GANAB: variants seen among roughly 807,000 people sequenced by gnomAD.
GANAB encodes the protein glucosidase II alpha subunit.
In GANAB, 35 loss-of-function variants were observed where a neutral mutation model predicts 129.9. The observed-to-expected ratio is 0.27, with a 90% CI of 0.21 to 0.36. The LOEUF is 0.36. Ranked by LOEUF, GANAB falls within the 10% of genes least tolerant of loss-of-function variation. The pLI is 1.00. For synonymous variants in GANAB, 482 were observed against 451.8 expected, an observed-to-expected ratio of 1.07 and a Z score of -0.85; for missense variants, 939 against 1,221.0, an observed-to-expected ratio of 0.77 and a Z score of 3.44.
intron 1 of GANAB, among the ~76,000 whole-genome samples, chr11:62,640,609 A>C (rs2134541354): frequency 6.8e-6 from 1 of 147,096 alleles, no homozygotes; most frequent in African/African-American, 2.5e-5. Flanking sequence ...CAAGGCTGAC[A>C]GATCACGAGG....
Position 62,634,890 on chromosome 11 carries a change from C to A in GANAB, c.491G>T (p.Arg164Leu), listed in dbSNP as rs1250954225. 6.2e-7 allele frequency: 1 copy of A among 1,614,038 alleles called. No homozygotes were observed. The highest frequency in any genetic ancestry group is 2.2e-5 in the East Asian group (1 of 44,890). ...RPFRLDLLED[R>L]SLLLSVNARG... ...GGCATTGACACTAAGCAAAAGACTT[C>A]GGTCCTCTAGTAGGTCAAGGCGGAA... The change falls in exon 5 of 24, where the codon CGA (arginine) becomes CTA (leucine). Residue 164 changes from arginine (R) to leucine (L), a missense_variant. This residue lies in a region of GANAB where 321 missense variants were observed against 329.1 expected (regional missense o/e 0.98). Transcript: ENST00000356638.
At chr11:62,638,200 C>T (rs1471983808) in intron 4 of GANAB, among the ~76,000 whole-genome samples, 1 of 152,158 alleles carries the variant, frequency 6.6e-6, no homozygotes, top group Non-Finnish European at 1.5e-5. Flanking sequence ...GTCGCCCAGG[C>T]TGTAGTGCAG....
Position 62,627,362 on chromosome 11 carries a change from G to T in GANAB, c.2181-9C>A. 1.3e-6 allele frequency: 2 copies of T among 1,488,304 alleles called. No individual in the cohort carries two copies. The highest frequency in any genetic ancestry group is 1.9e-6 in the Non-Finnish European group (2 of 1,065,670). The allele number at this position is 1,488,304 out of a possible 1,614,324, so 92.2% of individuals were successfully genotyped here. On this transcript the variant is annotated splice_polypyrimidine_tract_variant and intron_variant, in intron 17 of 23. Coordinates refer to ENST00000356638, the MANE Select transcript of GANAB (RefSeq NM_198334.3). Reference sequence around the variant, plus strand: ...ACTGCACCCACAGGGGCCTAGGAAGGAAGAAAGACAATAAAGGAAAACTTT... The same window carrying T: ...ACTGCACCCACAGGGGCCTAGGAAGTAAGAAAGACAATAAAGGAAAACTTT...
intron 1 of GANAB, among the ~76,000 whole-genome samples, chr11:62,645,599 C>T (rs1219699011): frequency 6.6e-6 from 1 of 151,498 alleles, no homozygotes; most frequent in Admixed American, 6.6e-5. Flanking sequence ...TTTGCACAGT[C>T]TGTAAAATTG....
chr11:62,626,800 C>T (rs1029424815), intron 20 of GANAB, 60 bp downstream of exon 20: 1 of 1,383,198 alleles, frequency 7.2e-7, no homozygotes, highest in Non-Finnish European at 1.0e-6. Context: ...GGCACACATT[C>T]CCTCCCCTTC....
Position 62,632,548 on chromosome 11 carries a change from C to T in GANAB, c.996+17G>A, listed in dbSNP as rs550110915. The T allele has an allele frequency of 1.2e-6, 2 of 1,603,086 alleles. No homozygotes were observed. Among genetic ancestry groups the T allele is most frequent in the Non-Finnish European group, 1.7e-6 (2 of 1,171,510 alleles). On this transcript the variant is annotated intron_variant, in intron 9 of 23. Transcript: ENST00000356638. The stretch of plus-strand genomic sequence containing the variant: ...GAAGCTTCACTCCCTCCTTTTTCCC[C>T]GTGCCTGTGCTCTCACCTTCCCGGC...
chr11:62,634,300 A>G lies in GANAB; in HGVS notation c.560+521T>C, dbSNP rs375819187. The G allele has an allele frequency of 1.1e-5, 17 of 1,574,198 alleles. No homozygotes were observed. In the African/African-American group the frequency reaches 2.0e-4, roughly 19 times the overall value. ...AGGAACAGATACAGTACCGGTGGCC[A>G]TGGATTTACCTAGAGAAAAGGTTCT... On this transcript the variant is annotated intron_variant, in intron 5 of 23. Transcript: ENST00000356638.
Position 62,629,191 on chromosome 11 carries a change from T to C in GANAB, c.1936+3A>G, listed in dbSNP as rs573917901. Reference sequence around the variant, plus strand: ...CAAGACCCCAAATTCCTCCCTGTCTTACCCCCACAGAAGGAAAGTCCCACC... The same window carrying C: ...CAAGACCCCAAATTCCTCCCTGTCTCACCCCCACAGAAGGAAAGTCCCACC... On this transcript the variant is annotated splice_donor_region_variant and intron_variant, in intron 16 of 23. Transcript: ENST00000356638. 4 of 1,604,118 alleles carry C rather than the reference T, an allele frequency of 2.5e-6. No individual in the cohort carries two copies. In the South Asian group the frequency reaches 3.3e-5, roughly 13 times the overall value.
At chr11:62,640,533 CAAAAA>C (rs61299912) in intron 1 of GANAB, among the ~76,000 whole-genome samples, 1 of 86,624 alleles carries the variant, frequency 1.2e-5, no homozygotes, top group Non-Finnish European at 2.0e-5. Context: ...ACTCCATCTC[CAAAAA>C]AAAAAAAAAA....
intron 1 of GANAB, among the ~76,000 whole-genome samples, chr11:62,645,158 T>C (rs1393414986): frequency 1.3e-5 from 2 of 152,184 alleles, no homozygotes; most frequent in East Asian, 1.9e-4. Context: ...GCACAGGTCC[T>C]GCAGTGAGTG....
chr11:62,626,581 A>T lies in GANAB; in HGVS notation c.2501T>A (p.Leu834His). The change falls in exon 21 of 24, where the codon CTT becomes CAT. Residue 834 changes from leucine to histidine, a missense_variant. Around this residue, in one of 5 missense-constraint regions of GANAB, gnomAD observed 230 missense variants for 259.9 expected, o/e 0.89. Coordinates refer to ENST00000356638, the MANE Select transcript of GANAB (RefSeq NM_198334.3). Reference sequence around the variant, plus strand: ...TGCCTATGCACTTACCTGAGGGCTAAGTGCAACAAAGAGAGTGATGGGGTC... The same window carrying T: ...TGCCTATGCACTTACCTGAGGGCTATGTGCAACAAAGAGAGTGATGGGGTC... ...KDDPITLFVALSPQGTAQGEL... is the reference protein window; with the variant it reads ...KDDPITLFVAHSPQGTAQGEL... The T allele has an allele frequency of 6.2e-7, 1 of 1,604,858 alleles. No individual in the cohort carries two copies. The highest frequency in any genetic ancestry group is 1.7e-4 in the Middle Eastern group (1 of 6,042).
chr11:62,632,921 G>C (rs1341384895), intron 8 of GANAB, 84 bp downstream of exon 8: 3 of 1,001,166 alleles, frequency 3.0e-6, no homozygotes, highest in Non-Finnish European at 4.8e-6. Flanking sequence ...CTTGCCTAGA[G>C]TATCCAATAT....
intron 5 of GANAB, chr11:62,634,049 A>G (rs1161440475): frequency 1.1e-5 from 5 of 450,928 alleles, no homozygotes; most frequent in Non-Finnish European, 1.6e-5. Flanking sequence ...CAGGAACCCC[A>G]GCAATAGGCA....
chr11:62,630,796 G>A lies in GANAB; in HGVS notation c.1191C>T (p.His397=), dbSNP rs776279500. The stretch of plus-strand genomic sequence containing the variant: ...CGTCCCGGTAGTTCCAACGGCTCTG[G>A]TGGTAGCCGAGGGAGAAGAGTGGGG... ...ALPPLFSLGY[H]QSRWNYRDEA... is the part of the protein sequence containing the mutation. Residue 397 remains histidine, a synonymous_variant, in exon 11 of 24, where the codon CAC becomes CAT. Coordinates refer to ENST00000356638, the MANE Select transcript of GANAB (RefSeq NM_198334.3). The A allele has an allele frequency of 6.2e-7, 1 of 1,614,052 alleles. No individual in the cohort carries two copies. Among genetic ancestry groups the A allele is most frequent in the East Asian group, 2.2e-5 (1 of 44,882 alleles).
rs1356962560 is a variant in GANAB, at chr11:62,626,450, G to A, written c.2512-3C>T. On this transcript the variant is annotated splice_region_variant and splice_polypyrimidine_tract_variant and intron_variant, in intron 21 of 23. Coordinates refer to ENST00000356638, the MANE Select transcript of GANAB (RefSeq NM_198334.3). ...AAGAGCTCTCCTTGAGCTGTACCCT[G>A]AGCAAGAAGTGGGATAGGTGAGCGC... is the stretch of plus-strand genomic sequence containing the variant. 6.2e-7 allele frequency: 1 copy of A among 1,600,606 alleles called. No homozygotes were observed. The highest frequency in any genetic ancestry group is 2.2e-5 in the East Asian group (1 of 44,838).
Position 62,626,913 on chromosome 11 carries a change from A to G in GANAB, c.2344T>C (p.Tyr782His), listed in dbSNP as rs1245628306. The G allele has an allele frequency of 4.3e-6, 7 of 1,612,302 alleles. No homozygotes were observed. Among genetic ancestry groups the G allele is most frequent in the Admixed American group, 1.7e-5 (1 of 60,008 alleles). ...GTCTGGGGACCATGATGCTTCTGGT[A>G]GCTTTGAATGTCATACCACACCTGT... The part of the protein sequence containing the change: ...QGEVWYDIQS[Y>H]QKHHGPQTLY... The change falls in exon 20 of 24, where the codon TAC becomes CAC. Residue 782 changes from tyrosine to histidine, a missense_variant. This residue lies in a region of GANAB where 230 missense variants were observed against 259.9 expected (regional missense o/e 0.89). Transcript: ENST00000356638.
At chr11:62,629,034 G>A (rs1565092648) in intron 16 of GANAB, 22 bp from the exon 17 acceptor site, 1 of 1,608,968 alleles carries the variant, frequency 6.2e-7, no homozygotes, top group Non-Finnish European at 8.5e-7. Context: ...GAGAGAGGAA[G>A]CAGGTTGGAA....
At chr11:62,630,987 G>A (rs368427581) in intron 10 of GANAB, 43 bp downstream of exon 10, 109 of 1,573,534 alleles carry the variant, frequency 6.9e-5, no homozygotes, top group East Asian at 2.0e-4. Context: ...AGAATCACCC[G>A]ACAAGAAAAG....
At chr11:62,628,710 A>G in intron 17 of GANAB, 59 bp downstream of exon 17, 1 of 1,570,906 alleles carries the variant, frequency 6.4e-7, no homozygotes, top group Non-Finnish European at 8.7e-7. Context: ...GATGAAGCCC[A>G]GTCCCTAATA....
Sources: gnomAD v4.1 joint callset for allele counts (sites outside exome capture counted in the v4.1 genomes callset) on GRCh38, gnomAD v4.1.1 for gene constraint, gnomAD v4.1.1 regional missense constraint, MANE v1.5 for transcripts, NCBI Gene and HGNC (gene_info 2026-07-23, HGNC 2026-07-21) for gene names.